Variants in LOXHD1 observed in about 807,000 individuals in gnomAD.
LOXHD1 encodes lipoxygenase homology domain-containing protein 1.
In LOXHD1, 205 loss-of-function variants were observed where a neutral mutation model predicts 248.2. The observed-to-expected ratio is 0.83, with a 90% CI of 0.74 to 0.93. The LOEUF is 0.93. LOXHD1 is among the 40% of genes least tolerant of loss of function. The pLI is 0.00. For synonymous variants in LOXHD1, 1,113 were observed against 1,162.8 expected (o/e 0.96, Z 0.87); for missense variants, 2,930 against 2,971.6 (o/e 0.99, Z 0.33).
Position 46,610,810 on chromosome 18 carries a change from T to C in LOXHD1, c.725A>G (p.Asn242Ser), listed in dbSNP as rs998579829. Residue 242 changes from asparagine (N) to serine (S), a missense_variant, in exon 6 of 41, where the codon AAT becomes AGT. Asn to Ser is a conservative substitution (Grantham distance 46, BLOSUM62 1). Coordinates refer to ENST00000642948, the MANE Select transcript of LOXHD1 (RefSeq NM_001384474.1). ...QLMKINVGHNNKGGSAGWFLS... is the reference protein window; with the variant it reads ...QLMKINVGHNSKGGSAGWFLS... Reference sequence around the variant, plus strand: ...GAACCAACCTGCAGAGCCCCCCTTATTGTTGTGGCCAACATTGATCTTCAT... The same window carrying C: ...GAACCAACCTGCAGAGCCCCCCTTACTGTTGTGGCCAACATTGATCTTCAT... 5 of 1,551,550 alleles carry C rather than the reference T, an allele frequency of 3.2e-6. No homozygotes were observed. The highest frequency in any genetic ancestry group is 2.4e-5 in the East Asian group (1 of 40,934).
At chr18:46,651,042 C>T (rs2039104591) in intron 1 of LOXHD1, among the ~76,000 whole-genome samples, 1 of 152,238 alleles carries the variant, frequency 6.6e-6, no homozygotes. Context: ...ACCGTTCATA[C>T]GGAAAAGCCT....
At chr18:46,575,588 G>A (rs1293955871) in intron 14 of LOXHD1, among the ~76,000 whole-genome samples, 1 of 152,180 alleles carries the variant, frequency 6.6e-6, no homozygotes, top group Non-Finnish European at 1.5e-5. Flanking sequence ...GCAGAGAGAA[G>A]GTGGCCAATC....
chr18:46,571,621 G>A (rs1599015923), intron 15 of LOXHD1, among the ~76,000 whole-genome samples: 1 of 152,302 alleles, frequency 6.6e-6, no homozygotes, highest in South Asian at 2.1e-4. Flanking sequence ...TGAGGTGTTG[G>A]TAATGTCAAG....
chr18:46,570,631 A>G (rs2037734061), intron 15 of LOXHD1, among the ~76,000 whole-genome samples: 1 of 152,130 alleles, frequency 6.6e-6, no homozygotes, highest in African/African-American at 2.4e-5. Context: ...TTCTTGTACT[A>G]TTTTCCATCT....
At position 46,545,388 on chromosome 18, in the gene LOXHD1, G is replaced by A. The variant is rs1380286960; in HGVS notation, c.3548C>T (p.Thr1183Ile). The A allele has an allele frequency of 6.4e-7, 1 of 1,552,046 alleles. No individual in the cohort carries two copies. The highest frequency in any genetic ancestry group is 8.7e-7 in the Non-Finnish European group (1 of 1,146,974). Residue 1183 changes from threonine to isoleucine, a missense_variant, in exon 23 of 41, where the codon ACT (threonine) becomes ATT (isoleucine). Physicochemically the swap from Thr to Ile is moderately conservative, Grantham distance 89 (BLOSUM62 -1). Transcript: ENST00000642948. Reference sequence around the variant, plus strand: ...TGTGCCCGCATTCTTCTTAACCCCAGTCTTTATGGTCACTGAGAATGTGGT... The same window carrying A: ...TGTGCCCGCATTCTTCTTAACCCCAATCTTTATGGTCACTGAGAATGTGGT... ...KSTTFSVTIK[T>I]GVKKNAGTDA...
chr18:46,624,992 C>T (rs2038720670), intron 4 of LOXHD1, among the ~76,000 whole-genome samples: 1 of 152,064 alleles, frequency 6.6e-6, no homozygotes, highest in South Asian at 2.1e-4. Context: ...GTTTAATCCT[C>T]ACAATGATGG....
intron 16 of LOXHD1, among the ~76,000 whole-genome samples, chr18:46,568,407 C>T (rs977712509): frequency 6.6e-6 from 1 of 152,226 alleles, no homozygotes; most frequent in African/African-American, 2.4e-5. Context: ...CTTTCTCAGC[C>T]TCAATCTTGG....
At chr18:46,608,525 G>T (rs79683815) in intron 6 of LOXHD1, among the ~76,000 whole-genome samples, 1,792 of 152,242 alleles carry the variant, frequency 0.012, 42 homozygotes, top group East Asian at 0.073. Context: ...GAAGAAAGTG[G>T]ACTTCAAGGT....
chr18:46,590,440 G>C (rs1042372882), intron 12 of LOXHD1, among the ~76,000 whole-genome samples: 1 of 152,178 alleles, frequency 6.6e-6, no homozygotes, highest in African/African-American at 2.4e-5. Context: ...TTAGTTAAAA[G>C]GGTTTCAAAA....
chr18:46,544,006 G>T (rs12606812), intron 23 of LOXHD1, among the ~76,000 whole-genome samples: 70,568 of 151,876 alleles, frequency 0.46, 17,224 homozygotes, highest in Non-Finnish European at 0.56. Flanking sequence ...TGCCTGTAGT[G>T]TCAGTCTGAA....
At position 46,477,850 on chromosome 18, in the gene LOXHD1, G is replaced by A. The variant is rs1012826246; in HGVS notation, c.6444C>T (p.Val2148=). Residue 2148 remains valine, a synonymous_variant, in exon 41 of 41, where the codon GTC becomes GTT. Transcript: ENST00000642948. The part of the protein sequence containing the change: ...TKTTESFASK[V]QSLVPVKYEV... ...CGTACTTGACGGGCACCAGGCTCTG[G>A]ACCTTGCTGGCAAAGCTCTCTGTCG... 3.9e-6 allele frequency: 6 copies of A among 1,551,804 alleles called. No individual in the cohort carries two copies. In the East Asian group the frequency reaches 9.8e-5, roughly 25 times the overall value.
chr18:46,492,111 A>G (rs529287413), intron 37 of LOXHD1, among the ~76,000 whole-genome samples: 52,271 of 152,066 alleles, frequency 0.34, 9,526 homozygotes, highest in East Asian at 0.7. Flanking sequence ...TGCAACTATG[A>G]AACATCTGGC....
intron 34 of LOXHD1, among the ~76,000 whole-genome samples, chr18:46,513,739 A>G (rs1174637280): frequency 2.0e-5 from 3 of 152,234 alleles, no homozygotes; most frequent in Non-Finnish European, 4.4e-5. Flanking sequence ...AAAATGAGAG[A>G]AGAAAATTCT....
chr18:46,604,028 C>T (rs1231515547), intron 7 of LOXHD1, 78 bp downstream of exon 7: 1 of 1,530,070 alleles, frequency 6.5e-7, no homozygotes, highest in Admixed American at 2.0e-5. Context: ...CACAGGCCTC[C>T]AGCCCCACAG....
chr18:46,637,405 C>T (rs961785034), intron 4 of LOXHD1, among the ~76,000 whole-genome samples: 2 of 152,180 alleles, frequency 1.3e-5, no homozygotes, highest in African/African-American at 2.4e-5. Context: ...AGAGGCTCTT[C>T]TCCTGACAGT....
intron 34 of LOXHD1, among the ~76,000 whole-genome samples, chr18:46,514,273 G>A (rs1292374786): frequency 6.6e-6 from 1 of 152,180 alleles, no homozygotes; most frequent in Non-Finnish European, 1.5e-5. Context: ...GCCCAGCAGT[G>A]AGTGCAGGAA....
intron 1 of LOXHD1, among the ~76,000 whole-genome samples, chr18:46,655,913 T>G (rs1026178664): frequency 6.6e-6 from 1 of 152,066 alleles, no homozygotes; most frequent in East Asian, 1.9e-4. Context: ...GAGGGCTTCA[T>G]GGAAGAGATG....
At position 46,522,163 on chromosome 18, in the gene LOXHD1, G is replaced by C; in HGVS notation, c.5023C>G (p.Arg1675Gly). 6.4e-7 allele frequency: 1 copy of C among 1,551,604 alleles called. No individual in the cohort carries two copies. Among genetic ancestry groups the C allele is most frequent in the Non-Finnish European group, 8.7e-7 (1 of 1,146,962 alleles). The stretch of plus-strand genomic sequence containing the variant: ...ACGTAGAACTCCTCCACAGAGCCAC[G>C]GCTGAAGCCCCTCTTCCCTCGGGGG... ...DYPRGKRGFS[R>G]GSVEEFYVAG... Residue 1675 changes from arginine to glycine, a missense_variant, in exon 32 of 41, where the codon CGT (arginine) becomes GGT (glycine). By Grantham distance (125) the Arg-to-Gly change is moderately radical. Transcript: ENST00000642948.
At chr18:46,519,629 T>G (rs1023249509) in intron 33 of LOXHD1, among the ~76,000 whole-genome samples, 1 of 152,164 alleles carries the variant, frequency 6.6e-6, no homozygotes, top group African/African-American at 2.4e-5. Context: ...AGCCTGACAC[T>G]TTTTTGCTCT....
Sources: gnomAD v4.1 joint callset for allele counts (sites outside exome capture counted in the v4.1 genomes callset) on GRCh38, gnomAD v4.1.1 for gene constraint, MANE v1.5 for transcripts, NCBI Gene and HGNC (gene_info 2026-07-23, HGNC 2026-07-21) for gene names.